The following HSF2BP variants were observed in gnomAD, a reference collection of about 807,000 sequenced individuals.
HSF2BP encodes the protein heat shock factor 2-binding protein.
A neutral mutation model predicts 35.0 loss-of-function variants in HSF2BP; 35 were observed. The ratio of observed to expected loss-of-function variants is 1.00; its 90% CI spans 0.76 to 1.32. The LOEUF (loss-of-function observed/expected upper bound fraction) is 1.32, where lower values mean the gene tolerates loss of function less well. HSF2BP is among the 40% of genes most tolerant of loss of function. The pLI, the probability that HSF2BP is intolerant of heterozygous loss-of-function variation, is 0.00. For synonymous variants in HSF2BP, 114 were observed against 117.4 expected (o/e 0.97, Z 0.18); for missense variants, 326 against 321.7 (o/e 1.01, Z -0.10).
the HSF2BP span, among the ~76,000 whole-genome samples, chr21:43,467,895 CCACACA>C: frequency 8.7e-6 from 1 of 114,970 alleles, no homozygotes. Context: ...ACACCACACA[CCACACA>C]CACGCACCAC....
chr21:43,579,384 T>C (rs751815006), intron 8 of HSF2BP, among the ~76,000 whole-genome samples: 30 of 152,242 alleles, frequency 2.0e-4, no homozygotes, highest in Non-Finnish European at 3.8e-4. Flanking sequence ...GGAGCAAGCA[T>C]TATATTTTAG....
chr21:43,467,949 C>A, the HSF2BP span, among the ~76,000 whole-genome samples: 3 of 120,510 alleles, frequency 2.5e-5, no homozygotes, highest in Non-Finnish European at 5.4e-5. Flanking sequence ...ACACACCACA[C>A]ACACCACACT....
At chr21:43,589,151 G>A (rs2081894456) in intron 8 of HSF2BP, among the ~76,000 whole-genome samples, 1 of 152,182 alleles carries the variant, frequency 6.6e-6, no homozygotes, top group Non-Finnish European at 1.5e-5. Context: ...CCAAGCTCTG[G>A]CTGAACTTTG....
intron 1 of HSF2BP, among the ~76,000 whole-genome samples, chr21:43,658,785 G>A (rs556245124): frequency 6.6e-6 from 1 of 152,348 alleles, no homozygotes; most frequent in African/African-American, 2.4e-5. Context: ...CCTTGCACTG[G>A]CACCAGGGCT....
intron 6 of HSF2BP, among the ~76,000 whole-genome samples, chr21:43,628,577 G>T (rs1568925156): frequency 6.6e-6 from 1 of 152,356 alleles, no homozygotes; most frequent in South Asian, 2.1e-4. Context: ...ACGTGCAGCA[G>T]CAAGTGCTGA....
intron 8 of HSF2BP, among the ~76,000 whole-genome samples, chr21:43,588,984 A>G (rs1034211475): frequency 6.6e-6 from 1 of 152,204 alleles, no homozygotes; most frequent in East Asian, 1.9e-4. Context: ...CTAGCATGCT[A>G]GAGTCTTACA....
intron 4 of HSF2BP, among the ~76,000 whole-genome samples, chr21:43,637,845 T>C (rs913854069): frequency 1.8e-4 from 27 of 150,114 alleles, no homozygotes; most frequent in Admixed American, 1.6e-3. Context: ...CTCAGCAAAC[T>C]AGGAATAGAG....
chr21:43,635,540 C>G (rs1039078502), intron 4 of HSF2BP, among the ~76,000 whole-genome samples: 2 of 151,936 alleles, frequency 1.3e-5, no homozygotes, highest in Non-Finnish European at 2.9e-5. Context: ...GGTGCCAATG[C>G]AATTCAATGG....
chr21:43,658,381 G>A (rs1198972128), intron 1 of HSF2BP, 61 bp from the exon 2 acceptor site: 1 of 468,134 alleles, frequency 2.1e-6, no homozygotes, highest in Non-Finnish European at 3.8e-6. Context: ...AATCGGATGG[G>A]TCCTTTCCTG....
chr21:43,648,579 C>T (rs944471843), intron 3 of HSF2BP, among the ~76,000 whole-genome samples: 1 of 151,950 alleles, frequency 6.6e-6, no homozygotes, highest in African/African-American at 2.4e-5. Flanking sequence ...CTTTTGTTCC[C>T]TGCCAGGATA....
At chr21:43,617,195 A>G (rs908426996) in intron 6 of HSF2BP, among the ~76,000 whole-genome samples, 1 of 152,150 alleles carries the variant, frequency 6.6e-6, no homozygotes, top group Non-Finnish European at 1.5e-5. Flanking sequence ...TTACACAGCA[A>G]TAGAAAATAG....
chr21:43,615,104 T>C (rs1448707209), intron 6 of HSF2BP, among the ~76,000 whole-genome samples: 2 of 152,168 alleles, frequency 1.3e-5, no homozygotes, highest in African/African-American at 4.8e-5. Flanking sequence ...ATGATCCAAG[T>C]GCATTTATGT....
chr21:43,645,134 C>T (rs988195357), intron 3 of HSF2BP, among the ~76,000 whole-genome samples: 1 of 152,160 alleles, frequency 6.6e-6, no homozygotes, highest in African/African-American at 2.4e-5. Flanking sequence ...AGGAAATCAT[C>T]AGTTTTTATG....
the HSF2BP span, among the ~76,000 whole-genome samples, chr21:43,467,783 A>AC: frequency 9.0e-5 from 4 of 44,668 alleles, no homozygotes; most frequent in African/African-American, 2.0e-4. Flanking sequence ...ACCACACCAC[A>AC]AACCACACAC....
At chr21:43,584,134 AGGAGATGAAGGGCCTGCCGAG>A (rs1260917463) in intron 8 of HSF2BP, among the ~76,000 whole-genome samples, 4 of 142,300 alleles carry the variant, frequency 2.8e-5, no homozygotes, top group African/African-American at 7.9e-5. Context: ...GACCTGCCGA[AGGAGATGAAGGGCCTGCCGAG>A]GGAGATGAAG....
chr21:43,501,196 G>A, the HSF2BP span, among the ~76,000 whole-genome samples: 10 of 107,672 alleles, frequency 9.3e-5, 2 homozygotes, highest in Admixed American at 6.1e-4. Context: ...TCAGTGTCCT[G>A]AGGTCAACTG....
At chr21:43,581,275 A>G (rs2081726815) in intron 8 of HSF2BP, among the ~76,000 whole-genome samples, 2 of 152,086 alleles carry the variant, frequency 1.3e-5, no homozygotes, top group African/African-American at 4.8e-5. Context: ...AGTCCCAGCT[A>G]CTTGGGAGGC....
chr21:43,616,842 A>T (rs2082277195), intron 6 of HSF2BP, among the ~76,000 whole-genome samples: 1 of 152,034 alleles, frequency 6.6e-6, no homozygotes. Flanking sequence ...GAGGCAGGAG[A>T]ATGGTGTGAA....
At chr21:43,584,972 T>C (rs2081828457) in intron 8 of HSF2BP, among the ~76,000 whole-genome samples, 1 of 151,916 alleles carries the variant, frequency 6.6e-6, no homozygotes, top group South Asian at 2.1e-4. Context: ...TTGACTTTCA[T>C]GCTCTAGGTA....
Sources: gnomAD v4.1 joint callset for allele counts (sites outside exome capture counted in the v4.1 genomes callset) on GRCh38, gnomAD v4.1.1 for gene constraint, MANE v1.5 for transcripts, NCBI Gene and HGNC (gene_info 2026-07-23, HGNC 2026-07-21) for gene names.